The following CAMTA1 variants were observed in gnomAD, a reference collection of about 807,000 sequenced individuals.
The protein encoded by CAMTA1 is calmodulin binding transcription activator 1, also known as calmodulin-binding transcription activator 1.
Under a neutral mutation model 170.9 loss-of-function variants are expected in CAMTA1, and 27 were observed. The observed-to-expected ratio is 0.16, with a 90% CI of 0.12 to 0.22. The LOEUF (loss-of-function observed/expected upper bound fraction) is 0.22. Among genes scored for constraint, CAMTA1 ranks in the 10% least tolerant of loss-of-function variants. The pLI, the probability that CAMTA1 is intolerant of heterozygous loss-of-function variation, is 1.00. For synonymous variants in CAMTA1, 833 were observed against 891.5 expected (o/e 0.93, Z 1.17); for missense variants, 1,619 against 2,217.2 (o/e 0.73, Z 5.42).
intron 3 of CAMTA1, among the ~76,000 whole-genome samples, chr1:6,938,521 G>A (rs1347113629): frequency 6.6e-6 from 1 of 152,184 alleles, no homozygotes; most frequent in Non-Finnish European, 1.5e-5. Context: ...CTTGGCTGGC[G>A]GGCCTTGGGA....
intron 5 of CAMTA1, among the ~76,000 whole-genome samples, chr1:7,327,938 A>T (rs563147052): frequency 6.6e-6 from 1 of 151,912 alleles, no homozygotes; most frequent in Non-Finnish European, 1.5e-5. Context: ...TCAGGTTGAC[A>T]GTTCTGTTTG....
Position 7,663,486 on chromosome 1 carries a change from C to T in CAMTA1, c.939C>T (p.His313=), listed in dbSNP as rs373350834. 8.9e-4 allele frequency: 1,425 copies of T among 1,597,986 alleles called. 2 individuals carry two copies. The highest frequency in any genetic ancestry group is 1.1e-3 in the Non-Finnish European group (1,228 of 1,168,412). Residue 313 remains histidine, a synonymous_variant, in exon 9 of 23, where the codon CAC becomes CAT. Transcript: ENST00000303635. ...ACAATGACGTGTCGGAGGGCAAGCA[C>T]GAGCACAGCCACAGCAAGGGCTCCA... ...VQHNDVSEGK[H]EHSHSKGSSR...
At chr1:7,381,687 G>C (rs1451232990) in intron 5 of CAMTA1, among the ~76,000 whole-genome samples, 2 of 149,724 alleles carry the variant, frequency 1.3e-5, no homozygotes, top group Non-Finnish European at 3.0e-5. Context: ...GGATGGCTGG[G>C]TCAAATGGTA....
chr1:7,207,544 AAAATTGACCTT>A (rs1657969423), intron 4 of CAMTA1, among the ~76,000 whole-genome samples: 1 of 152,218 alleles, frequency 6.6e-6, no homozygotes, highest in South Asian at 2.1e-4. Flanking sequence ...CCCACAACTG[AAAATTGACCTT>A]GGAGCCCTGT....
At chr1:7,313,106 T>C (rs1047256095) in intron 5 of CAMTA1, among the ~76,000 whole-genome samples, 3 of 152,226 alleles carry the variant, frequency 2.0e-5, no homozygotes, top group Admixed American at 2.0e-4. Flanking sequence ...AGGAATTTCT[T>C]ACGGGTTGTG....
intron 3 of CAMTA1, among the ~76,000 whole-genome samples, chr1:6,843,652 G>A (rs1282090508): frequency 1.3e-5 from 2 of 152,170 alleles, no homozygotes; most frequent in African/African-American, 2.4e-5. Flanking sequence ...GCTAATTTTA[G>A]TATTTTTAGT....
Position 7,181,208 on chromosome 1 carries a change from T to C in CAMTA1, c.303-68283T>C, listed in dbSNP as rs958701706. On this transcript the variant is annotated intron_variant, in intron 4 of 22. Coordinates refer to ENST00000303635, the MANE Select transcript of CAMTA1 (RefSeq NM_015215.4). ...AAAAATTCAATATGCATTCCTGATA[T>C]ATCATTGAAGAAAATAGGAATAAAT... Among the ~76,000 whole-genome samples the C allele has an allele frequency of 9.2e-5, 14 of 152,332 alleles. No homozygotes were observed. In the South Asian group the frequency reaches 2.9e-3, roughly 32 times the overall value.
At chr1:7,131,514 C>A (rs941189453) in intron 4 of CAMTA1, among the ~76,000 whole-genome samples, 2 of 147,410 alleles carry the variant, frequency 1.4e-5, no homozygotes, top group African/African-American at 5.1e-5. Flanking sequence ...GGTCAAGGAT[C>A]GTCTTTTCTT....
At position 7,736,359 on chromosome 1, in the gene CAMTA1, G is replaced by A. The variant is rs1405243625; in HGVS notation, c.3082G>A (p.Gly1028Arg). The change falls in exon 13 of 23, where the codon GGG (glycine) becomes AGG (arginine). Residue 1028 changes from glycine to arginine, a missense_variant. Around this residue, in one of 8 missense-constraint regions of CAMTA1, gnomAD observed 143 missense variants for 184.2 expected, o/e 0.78. Transcript: ENST00000303635. The surrounding 1 kb of genome is among the most constrained non-coding windows in gnomAD (Gnocchi z 4.5). The part of the protein sequence containing the change: ...GSQAQCASGT[G>R]ALGSCFESRV... ...TTTGTGACAGTGTGCTTCTGGGACTGGGGCCTTGGGGAGCTGCTTTGAGAG... is the reference window on the plus strand; with the variant it reads ...TTTGTGACAGTGTGCTTCTGGGACTAGGGCCTTGGGGAGCTGCTTTGAGAG... 6.2e-7 allele frequency: 1 copy of A among 1,614,038 alleles called. No homozygotes were observed. The highest frequency in any genetic ancestry group is 1.3e-5 in the African/African-American group (1 of 75,038).
At chr1:7,461,044 T>G (rs1224498850) in intron 5 of CAMTA1, among the ~76,000 whole-genome samples, 1 of 152,062 alleles carries the variant, frequency 6.6e-6, no homozygotes, top group Non-Finnish European at 1.5e-5. Flanking sequence ...TAAAAGAGGA[T>G]TATAGATGGA....
intron 6 of CAMTA1, among the ~76,000 whole-genome samples, chr1:7,576,674 T>C (rs550206654): frequency 1.6e-4 from 24 of 152,018 alleles, no homozygotes; most frequent in African/African-American, 5.3e-4. Flanking sequence ...ACAGCCCAAA[T>C]GGACTAAGAC....
intron 4 of CAMTA1, among the ~76,000 whole-genome samples, chr1:7,179,389 G>A (rs1024317067): frequency 3.3e-5 from 5 of 152,144 alleles, no homozygotes; most frequent in African/African-American, 1.2e-4. Context: ...GAATCAAGAA[G>A]ATAGGTATTA....
intron 7 of CAMTA1, among the ~76,000 whole-genome samples, chr1:7,653,315 G>T (rs954402003): frequency 6.6e-6 from 1 of 152,170 alleles, no homozygotes; most frequent in Non-Finnish European, 1.5e-5. Context: ...AGGCTGGAGT[G>T]CAGTGGCCCG....
intron 6 of CAMTA1, among the ~76,000 whole-genome samples, chr1:7,599,049 C>A (rs140218534): frequency 5.3e-5 from 8 of 152,292 alleles, no homozygotes; most frequent in Admixed American, 2.6e-4. Flanking sequence ...CCTAGGTTTT[C>A]TTCTAGGGCT....
At chr1:7,352,810 A>T (rs926349239) in intron 5 of CAMTA1, among the ~76,000 whole-genome samples, 1 of 152,174 alleles carries the variant, frequency 6.6e-6, no homozygotes, top group Non-Finnish European at 1.5e-5. Context: ...CCCTAGCTGG[A>T]CCCATGACTC....
intron 5 of CAMTA1, among the ~76,000 whole-genome samples, chr1:7,257,078 G>GA (rs1553291567): frequency 9.9e-5 from 13 of 131,712 alleles, no homozygotes; most frequent in Non-Finnish European, 1.8e-4. Context: ...TCGCATGGCG[G>GA]GGGCGGGGGT....
chr1:7,668,625 C>A (rs893839667), intron 9 of CAMTA1, among the ~76,000 whole-genome samples: 4 of 152,116 alleles, frequency 2.6e-5, no homozygotes, highest in African/African-American at 9.7e-5. Flanking sequence ...GCAATTACAG[C>A]CTCAGGCACG....
chr1:7,437,481 C>T (rs1038502092), intron 5 of CAMTA1, among the ~76,000 whole-genome samples: 1 of 152,198 alleles, frequency 6.6e-6, no homozygotes, highest in Non-Finnish European at 1.5e-5. Context: ...TCTGTGCCCA[C>T]ACTCCCTGCC....
In CAMTA1 at chr1:7,725,496, C is replaced by T. The variant is rs570248700; in HGVS notation, c.2915-6952C>T. Among the ~76,000 whole-genome samples the T allele has an allele frequency of 1.1e-4, 16 of 152,330 alleles. 1 individual carries two copies. The highest frequency in any genetic ancestry group is 2.9e-4 in the African/African-American group (12 of 41,582). On this transcript the variant is annotated intron_variant, in intron 11 of 22. Transcript: ENST00000303635. ...CCAGTTATTGTCAACAGAGCTACTG[C>T]GGATGGCTCTGGCATGGTTCACATG...
Sources: gnomAD v4.1 joint callset for allele counts (sites outside exome capture counted in the v4.1 genomes callset) on GRCh38, gnomAD v4.1.1 for gene constraint, gnomAD v4.1.1 regional missense constraint, Gnocchi (gnomAD v3.1) non-coding constraint, MANE v1.5 for transcripts, NCBI Gene and HGNC (gene_info 2026-07-23, HGNC 2026-07-21) for gene names.